Variants in LPIN1 observed in about 807,000 individuals in gnomAD.
The protein encoded by LPIN1 is lipin 1.
LPIN1 carries 71 observed loss-of-function variants against 107.5 expected under a neutral mutation model. The ratio of observed to expected loss-of-function variants is 0.66; its 90% confidence interval spans 0.55 to 0.80. LPIN1 has a LOEUF of 0.80. LPIN1 is among the 30% of genes least tolerant of loss of function. LPIN1 has a pLI of 0.00. For missense variants in LPIN1, 1,043 were observed against 1,160.6 expected, an observed-to-expected ratio of 0.90 and a Z score of 1.47; for synonymous variants, 445 against 452.6, an observed-to-expected ratio of 0.98 and a Z score of 0.21.
chr2:11,744,553 GC>G (rs1666702089), upstream of LPIN1, among the ~76,000 whole-genome samples: 2 of 152,164 alleles, frequency 1.3e-5, no homozygotes, highest in African/African-American at 4.8e-5. Flanking sequence ...GCCGTGCTGG[GC>G]CCCCCAGCTC....
At chr2:11,680,867 G>A (rs148090259) in intron 1 of LPIN1, among the ~76,000 whole-genome samples, 194 of 152,278 alleles carry the variant, frequency 1.3e-3, no homozygotes, top group African/African-American at 4.5e-3. Flanking sequence ...GCCAAAGTTC[G>A]GGGGCCACGA....
intron 3 of LPIN1, among the ~76,000 whole-genome samples, chr2:11,768,660 G>A (rs1044323071): frequency 3.3e-5 from 5 of 152,142 alleles, no homozygotes; most frequent in Non-Finnish European, 7.4e-5. Context: ...CTTGGGGCTG[G>A]GCATGGTGGC....
At chr2:11,750,955 G>T (rs760784552) in intron 1 of LPIN1, among the ~76,000 whole-genome samples, 27 of 152,196 alleles carry the variant, frequency 1.8e-4, no homozygotes, top group Non-Finnish European at 3.5e-4. Context: ...TTGAAAGTGC[G>T]TAGAGAGAAT....
chr2:11,805,094 G>C lies in LPIN1; in HGVS notation c.2187G>C (p.Leu729Phe). Residue 729 changes from leucine to phenylalanine, a missense_variant, in exon 17 of 21, where the codon TTG (leucine) becomes TTC (phenylalanine). Physicochemically the swap from Leu to Phe is conservative, Grantham distance 22 (BLOSUM62 0). Coordinates refer to ENST00000674199, the MANE Select transcript of LPIN1 (RefSeq NM_001349206.2). ...GATCAGATACTCTTGGCCACATTTT[G>C]CCCACCCTTGGGAAGGATTGGACCC... ...ITRSDTLGHI[L>F]PTLGKDWTHQ... 6.2e-7 allele frequency: 1 copy of C among 1,611,992 alleles called. No homozygotes were observed. Among genetic ancestry groups the C allele is most frequent in the African/African-American group, 1.3e-5 (1 of 74,410 alleles).
chr2:11,787,300 C>T, intron 11 of LPIN1, 133 bp downstream of exon 11: 5 of 694,578 alleles, frequency 7.2e-6, no homozygotes, highest in South Asian at 1.6e-5. Context: ...ATTGCATTAT[C>T]TTCACTGTGG....
intron 1 of LPIN1, chr2:11,677,836 C>A: frequency 1.0e-6 from 1 of 983,214 alleles, no homozygotes; most frequent in Non-Finnish European, 1.5e-6. Context: ...GCGCCCAGAG[C>A]GCCTTGTTCG....
At chr2:11,689,151 C>G (rs1372804375) in intron 1 of LPIN1, among the ~76,000 whole-genome samples, 1 of 152,204 alleles carries the variant, frequency 6.6e-6, no homozygotes, top group African/African-American at 2.4e-5. Flanking sequence ...TCTCTCCATG[C>G]CAGGGCCCTA....
At chr2:11,688,704 C>A (rs973233736) in intron 1 of LPIN1, among the ~76,000 whole-genome samples, 1 of 152,218 alleles carries the variant, frequency 6.6e-6, no homozygotes, top group African/African-American at 2.4e-5. Context: ...ATACATACAA[C>A]ATTTTCAGCC....
intron 7 of LPIN1, among the ~76,000 whole-genome samples, chr2:11,779,969 C>T (rs1380107896): frequency 6.6e-6 from 1 of 152,058 alleles, no homozygotes; most frequent in Non-Finnish European, 1.5e-5. Flanking sequence ...CAACCTCTGC[C>T]TCCCAGGTTC....
intron 2 of LPIN1, among the ~76,000 whole-genome samples, chr2:11,767,228 C>G (rs1671058432): frequency 6.6e-6 from 1 of 152,140 alleles, no homozygotes; most frequent in Non-Finnish European, 1.5e-5. Context: ...CAAGAGGAAA[C>G]TCTTCCTTGA....
intron 1 of LPIN1, among the ~76,000 whole-genome samples, chr2:11,704,882 T>G (rs1178252882): frequency 2.6e-5 from 4 of 152,326 alleles, no homozygotes; most frequent in African/African-American, 9.6e-5. Context: ...CACTGGACAC[T>G]GGGGACTAGC....
intron 14 of LPIN1, among the ~76,000 whole-genome samples, chr2:11,797,998 C>G (rs889283467): frequency 4.6e-5 from 7 of 152,108 alleles, no homozygotes; most frequent in Non-Finnish European, 7.4e-5. Context: ...GGGGCCGTTT[C>G]CCCCATGCCG....
At chr2:11,788,742 A>G (rs1171857965) in intron 12 of LPIN1, among the ~76,000 whole-genome samples, 2 of 152,196 alleles carry the variant, frequency 1.3e-5, no homozygotes, top group African/African-American at 2.4e-5. Context: ...GGCTGAGCAG[A>G]CAGGTGCCAG....
At chr2:11,693,092 G>A (rs1662351993) in intron 1 of LPIN1, among the ~76,000 whole-genome samples, 1 of 152,182 alleles carries the variant, frequency 6.6e-6, no homozygotes, top group Non-Finnish European at 1.5e-5. Flanking sequence ...GGGTCCGATA[G>A]GTGGAGCTAG....
chr2:11,721,162 G>A (rs778300368), upstream of LPIN1, among the ~76,000 whole-genome samples: 4 of 151,908 alleles, frequency 2.6e-5, no homozygotes, highest in Non-Finnish European at 5.9e-5. Flanking sequence ...AGGTGAATTC[G>A]CATTAATTCC....
intron 1 of LPIN1, among the ~76,000 whole-genome samples, chr2:11,735,839 T>C (rs1476373786): frequency 6.6e-6 from 1 of 152,262 alleles, no homozygotes; most frequent in African/African-American, 2.4e-5. Flanking sequence ...TTAGAGCTGA[T>C]AAATGGTTAT....
In LPIN1 at chr2:11,693,866, G is replaced by A. The variant is rs1209716363; in HGVS notation, c.81+16138G>A. ...TTTTTTTTTTTTGAGATGGAGTCTCGCTCAGTTGCCCAGGCTGGAGTGCAA... is the reference window on the plus strand; with the variant it reads ...TTTTTTTTTTTTGAGATGGAGTCTCACTCAGTTGCCCAGGCTGGAGTGCAA... On this transcript the variant is annotated intron_variant, in intron 1 of 21. Coordinates refer to the LPIN1 transcript ENST00000449576. Among the ~76,000 whole-genome samples, 24 of 106,654 alleles carry A rather than the reference G, an allele frequency of 2.3e-4. No homozygotes were observed. The East Asian group carries it at 2.8e-3, about 12-fold the overall frequency. The allele number at this position is 106,654 out of a possible 152,430, so 70.0% of individuals were successfully genotyped here.
chr2:11,770,296 A>G (rs1176413201), intron 3 of LPIN1, among the ~76,000 whole-genome samples: 3 of 152,052 alleles, frequency 2.0e-5, no homozygotes, highest in Non-Finnish European at 4.4e-5. Context: ...AGGCCAGAGT[A>G]TGTTCAGCTC....
In LPIN1 at chr2:11,767,821, G is replaced by A; in HGVS notation, c.251G>A (p.Gly84Glu). Residue 84 changes from glycine (G) to glutamate (E), a missense_variant, in exon 3 of 21, where the codon GGA becomes GAA. Gly to Glu is a moderately conservative substitution (Grantham distance 98). Transcript: ENST00000674199. ...VDLHMKLGDN[G>E]EAFFVQETDN... ...TTGCATATGAAATTGGGAGATAATG[G>A]AGAAGCATTTTTTGTTCAAGAAACA... 3 of 1,613,284 alleles carry A rather than the reference G, an allele frequency of 1.9e-6. No individual in the cohort carries two copies. The highest frequency in any genetic ancestry group is 2.5e-6 in the Non-Finnish European group (3 of 1,179,190).
Sources: allele counts gnomAD v4.1 joint callset (sites outside exome capture counted in the v4.1 genomes callset), GRCh38; gene constraint gnomAD v4.1.1; transcripts MANE v1.5; gene names NCBI Gene and HGNC (gene_info 2026-07-23, HGNC 2026-07-21).